Variants in CRISP1 observed in about 807,000 individuals in gnomAD.
CRISP1 encodes cysteine rich secretory protein 1.
Under a neutral mutation model 33.1 loss-of-function variants are expected in CRISP1, and 44 were observed. The observed-to-expected ratio is 1.33, with a 90% CI of 1.05 to 1.71. CRISP1 has a LOEUF of 1.71. Among genes scored for constraint, CRISP1 ranks in the 40% most tolerant of loss-of-function variants. The pLI, the probability that CRISP1 is intolerant of heterozygous loss-of-function variation, is 0.00. For synonymous variants in CRISP1, 103 were observed against 98.7 expected (o/e 1.04, Z -0.26); for missense variants, 390 against 301.2 (o/e 1.29, Z -2.18).
At chr6:49,842,118 A>G (rs1469109967) in intron 5 of CRISP1, among the ~76,000 whole-genome samples, 1 of 152,170 alleles carries the variant, frequency 6.6e-6, no homozygotes, top group East Asian at 1.9e-4. Context: ...ATGGGTGCCA[A>G]TCTCTCCACA....
Position 49,836,669 on chromosome 6 carries a change from C to A in CRISP1, c.623-1226G>T, listed in dbSNP as rs138163218. 6.3e-3 allele frequency among the ~76,000 whole-genome samples: 961 copies of A among 152,248 alleles called. 1 individual carries two copies. The highest frequency in any genetic ancestry group is 0.011 in the Admixed American group (163 of 15,280). ...ATTTTAAATTTACATTTATGTCTTA[C>A]TGTTTATTATTTTAGTGAATATCCT... On this transcript the variant is annotated intron_variant, in intron 7 of 7. Transcript: ENST00000335847.
intron 1 of CRISP1, among the ~76,000 whole-genome samples, chr6:49,858,623 ATTTCC>A (rs1450205491): frequency 6.6e-6 from 1 of 152,034 alleles, no homozygotes; most frequent in Admixed American, 6.6e-5. Context: ...TTTTTCATCT[ATTTCC>A]TTTCCTTTCT....
chr6:49,844,533 T>C (rs1211607549), intron 5 of CRISP1, among the ~76,000 whole-genome samples: 1 of 152,122 alleles, frequency 6.6e-6, no homozygotes, highest in Non-Finnish European at 1.5e-5. Flanking sequence ...AACAGCCATG[T>C]TAGCAGGGCC....
At chr6:49,841,137 C>G in intron 5 of CRISP1, 142 bp from the exon 6 acceptor site, 1 of 678,326 alleles carries the variant, frequency 1.5e-6, no homozygotes, top group Non-Finnish European at 2.5e-6. Context: ...GTCATAGAAA[C>G]AAAAGGACTC....
intron 7 of CRISP1, among the ~76,000 whole-genome samples, chr6:49,835,734 A>G (rs1418181213): frequency 6.6e-6 from 1 of 152,228 alleles, no homozygotes; most frequent in African/African-American, 2.4e-5. Flanking sequence ...TGTCATTTTG[A>G]AAGTATTAAC....
intron 2 of CRISP1, 152 bp downstream of exon 2, chr6:49,857,183 T>G (rs1455856819): frequency 3.2e-6 from 2 of 628,884 alleles, no homozygotes; most frequent in Admixed American, 6.2e-5. Flanking sequence ...GGTATTAAGA[T>G]GAGTACTTGC....
At chr6:49,858,488 A>G (rs1771555220) in intron 1 of CRISP1, among the ~76,000 whole-genome samples, 1 of 152,176 alleles carries the variant, frequency 6.6e-6, no homozygotes, top group Non-Finnish European at 1.5e-5. Context: ...TCACCCAATG[A>G]TGTAGTTTAC....
rs1049936204 is a variant in CRISP1, at chr6:49,864,448, G to A, written c.-3+1981C>T. On this transcript the variant is annotated intron_variant, in intron 1 of 7. Transcript: ENST00000335847. ...TGTATGTGTTTGGATATATACCCCAGAGTGGGATTATTGGGCTGTATGGTA... is the reference window on the plus strand; with the variant it reads ...TGTATGTGTTTGGATATATACCCCAAAGTGGGATTATTGGGCTGTATGGTA... 3.3e-5 allele frequency among the ~76,000 whole-genome samples: 5 copies of A among 150,862 alleles called. No individual in the cohort carries two copies. The East Asian group carries it at 9.7e-4, about 29-fold the overall frequency.
intron 1 of CRISP1, among the ~76,000 whole-genome samples, chr6:49,861,207 A>T (rs1934854): frequency 0.097 from 14,730 of 152,198 alleles, 991 homozygotes; most frequent in Non-Finnish European, 0.15. Flanking sequence ...ATTCCAAAAA[A>T]ATTCAAGGAA....
intron 1 of CRISP1, among the ~76,000 whole-genome samples, chr6:49,872,280 A>C (rs1416376999): frequency 6.6e-6 from 1 of 151,466 alleles, no homozygotes; most frequent in Non-Finnish European, 1.5e-5. Context: ...GTTTGAGTTC[A>C]TTGTAGATTC....
chr6:49,837,962 A>G (rs1261678402), intron 7 of CRISP1, among the ~76,000 whole-genome samples: 1 of 152,070 alleles, frequency 6.6e-6, no homozygotes, highest in African/African-American at 2.4e-5. Flanking sequence ...TAGATGGTTC[A>G]CAGGAACCAA....
chr6:49,869,663 T>A (rs1445464963), upstream of CRISP1, among the ~76,000 whole-genome samples: 2 of 152,182 alleles, frequency 1.3e-5, no homozygotes, highest in Non-Finnish European at 2.9e-5. Context: ...GCTGGAAGTA[T>A]GAAAACAGTA....
chr6:49,861,327 G>C (rs1471565473), intron 1 of CRISP1, among the ~76,000 whole-genome samples: 15 of 152,044 alleles, frequency 9.9e-5, no homozygotes. Flanking sequence ...GATGAACATA[G>C]ATGCAAAGTT....
intron 6 of CRISP1, 87 bp from the exon 7 acceptor site, chr6:49,838,612 A>G (rs1770882369): frequency 3.3e-6 from 3 of 907,662 alleles, no homozygotes; most frequent in African/African-American, 1.7e-5. Context: ...AATTTTAAAA[A>G]CAAATTGTGT....
chr6:49,857,210 G>T, intron 2 of CRISP1, 125 bp downstream of exon 2: 1 of 833,212 alleles, frequency 1.2e-6, no homozygotes, highest in Non-Finnish European at 1.9e-6. Flanking sequence ...GGGCTATTGT[G>T]AAAACAAAGT....
upstream of CRISP1, among the ~76,000 whole-genome samples, chr6:49,868,015 A>G (rs897014766): frequency 1.3e-5 from 2 of 152,126 alleles, no homozygotes; most frequent in African/African-American, 2.4e-5. Flanking sequence ...TGTTGATTCA[A>G]CATCAAGTCA....
chr6:49,851,956 A>G (rs773657772), intron 3 of CRISP1, 45 bp downstream of exon 3: 6 of 1,578,074 alleles, frequency 3.8e-6, no homozygotes, highest in Non-Finnish European at 5.1e-6. Flanking sequence ...AGTAAACACC[A>G]TTACTATTAT....
In CRISP1 at chr6:49,857,331, A is replaced by G. The variant is rs757406391; in HGVS notation, c.66+4T>C. 1 of 1,612,294 alleles carries G rather than the reference A, an allele frequency of 6.2e-7. No individual in the cohort carries two copies. Among genetic ancestry groups the G allele is most frequent in the South Asian group, 1.1e-5 (1 of 91,024 alleles). On this transcript the variant is annotated splice_donor_region_variant and intron_variant, in intron 2 of 7. Coordinates refer to ENST00000335847, the MANE Select transcript of CRISP1 (RefSeq NM_001131.3). ...TAATTATGAAACATCCAACCCTCAC[A>G]TACTTTCATGGACAACATAGGCAGT...
At chr6:49,839,152 G>T (rs1202739210) in intron 6 of CRISP1, among the ~76,000 whole-genome samples, 1 of 151,548 alleles carries the variant, frequency 6.6e-6, no homozygotes, top group Admixed American at 6.6e-5. Flanking sequence ...TAGAAAAGAC[G>T]GGCAGGGCTC....
Sources: gnomAD v4.1 joint callset for allele counts (sites outside exome capture counted in the v4.1 genomes callset) on GRCh38, gnomAD v4.1.1 for gene constraint, MANE v1.5 for transcripts, NCBI Gene and HGNC (gene_info 2026-07-23, HGNC 2026-07-21) for gene names.